The following PPA2 variants were observed in gnomAD, a reference collection of about 807,000 sequenced individuals.
The protein encoded by PPA2 is inorganic pyrophosphatase 2, mitochondrial.
A neutral mutation model predicts 49.5 loss-of-function variants in PPA2; 48 were observed. That is an observed-to-expected ratio of 0.97 (90% CI 0.77 to 1.23). The LOEUF is 1.23. Among genes scored for constraint, PPA2 ranks in the 50% most tolerant of loss-of-function variants. PPA2 has a pLI of 0.00. For synonymous variants in PPA2, 131 were observed against 139.9 expected, an observed-to-expected ratio of 0.94 and a Z score of 0.45; for missense variants, 429 against 410.1, an observed-to-expected ratio of 1.05 and a Z score of -0.40.
intron 1 of PPA2, among the ~76,000 whole-genome samples, chr4:105,464,503 T>C (rs573731171): frequency 3.9e-5 from 6 of 152,240 alleles, no homozygotes; most frequent in Admixed American, 3.3e-4. Flanking sequence ...GGAAGGCATG[T>C]TGGTTTTGAA....
intron 10 of PPA2, among the ~76,000 whole-genome samples, chr4:105,383,875 C>T (rs1309749591): frequency 7.1e-6 from 1 of 141,552 alleles, no homozygotes; most frequent in Non-Finnish European, 1.5e-5. Flanking sequence ...ACTTCTGTGT[C>T]TTCAATTATT....
Position 105,473,676 on chromosome 4 carries a change from C to A in PPA2, c.157+218G>T, listed in dbSNP as rs757862407. On this transcript the variant is annotated intron_variant, in intron 1 of 11. Transcript: ENST00000341695. ...GCCGGCAGCCCTGCGCCTCTGCTCT[C>A]CGCTTTGGGGTCTTGATCCGCCGCC... 8 of 817,996 alleles carry A rather than the reference C, an allele frequency of 9.8e-6. No individual in the cohort carries two copies. The East Asian group carries it at 2.0e-4, about 20-fold the overall frequency. The allele number at this position is 817,996 out of a possible 1,614,324, so 50.7% of individuals were successfully genotyped here.
intron 1 of PPA2, chr4:105,473,483 G>A (rs1723615708): frequency 2.4e-6 from 1 of 416,338 alleles, no homozygotes; most frequent in Non-Finnish European, 4.6e-6. Context: ...CCTCTAGGAA[G>A]GCCGGCGTGT....
intron 1 of PPA2, among the ~76,000 whole-genome samples, chr4:105,461,097 T>C (rs922411336): frequency 6.6e-6 from 1 of 152,160 alleles, no homozygotes; most frequent in African/African-American, 2.4e-5. Context: ...ATCTATAAAT[T>C]TGCACAGGAG....
chr4:105,419,179 T>G (rs1723141937), intron 7 of PPA2, among the ~76,000 whole-genome samples: 1 of 152,290 alleles, frequency 6.6e-6, no homozygotes, highest in African/African-American at 2.4e-5. Context: ...ATGTATACTT[T>G]AAGTTTTAGG....
At chr4:105,429,472 A>C (rs1426846368) in intron 6 of PPA2, among the ~76,000 whole-genome samples, 1 of 152,220 alleles carries the variant, frequency 6.6e-6, no homozygotes, top group African/African-American at 2.4e-5. Context: ...AAAGTTAAGA[A>C]AAAAGTCATT....
intron 9 of PPA2, among the ~76,000 whole-genome samples, chr4:105,388,914 T>C (rs1043665373): frequency 2.6e-5 from 4 of 152,014 alleles, no homozygotes; most frequent in Admixed American, 1.3e-4. Flanking sequence ...GAGATTCTTG[T>C]AAGATAAACC....
At chr4:105,416,156 T>C (rs925813802) in intron 7 of PPA2, among the ~76,000 whole-genome samples, 4 of 152,200 alleles carry the variant, frequency 2.6e-5, no homozygotes, top group Non-Finnish European at 5.9e-5. Context: ...TCTCTAAACA[T>C]TCCATCCGCT....
intron 9 of PPA2, among the ~76,000 whole-genome samples, chr4:105,386,850 C>T (rs763308259): frequency 1.3e-5 from 2 of 152,068 alleles, no homozygotes; most frequent in Admixed American, 6.6e-5. Context: ...AAGCACTCTC[C>T]AGAATGATAA....
At chr4:105,370,625 T>C (rs1197764517) in intron 11 of PPA2, 3 of 977,764 alleles carry the variant, frequency 3.1e-6, no homozygotes, top group Non-Finnish European at 2.4e-6. Flanking sequence ...AATCATTTTC[T>C]AACCTAGAAA....
At chr4:105,416,515 C>T (rs1257168779) in intron 7 of PPA2, among the ~76,000 whole-genome samples, 2 of 152,204 alleles carry the variant, frequency 1.3e-5, no homozygotes, top group African/African-American at 4.8e-5. Context: ...ATAAATGTTG[C>T]TCCCACAGAA....
chr4:105,462,473 C>A (rs1723133762), intron 1 of PPA2, among the ~76,000 whole-genome samples: 1 of 152,190 alleles, frequency 6.6e-6, no homozygotes, highest in Non-Finnish European at 1.5e-5. Context: ...TGAGAGCAAC[C>A]CATTTTCAAC....
intron 8 of PPA2, among the ~76,000 whole-genome samples, chr4:105,396,932 G>A (rs529481292): frequency 6.6e-6 from 1 of 152,222 alleles, no homozygotes; most frequent in East Asian, 1.9e-4. Flanking sequence ...TTCAATCGAA[G>A]TAATTTTAGA....
At chr4:105,414,280 C>G (rs1337434373) in intron 7 of PPA2, among the ~76,000 whole-genome samples, 2 of 152,154 alleles carry the variant, frequency 1.3e-5, no homozygotes, top group Non-Finnish European at 2.9e-5. Context: ...ATACTTTAAA[C>G]CTATGGCTCA....
intron 7 of PPA2, among the ~76,000 whole-genome samples, chr4:105,410,145 G>A (rs569993112): frequency 1.3e-3 from 198 of 152,250 alleles, no homozygotes; most frequent in African/African-American, 4.5e-3. Flanking sequence ...CTAACCCATC[G>A]CAAAGAAGCT....
At chr4:105,468,673 C>T (rs915280697) in intron 1 of PPA2, among the ~76,000 whole-genome samples, 1 of 152,178 alleles carries the variant, frequency 6.6e-6, no homozygotes, top group African/African-American at 2.4e-5. Context: ...AGGAGGCTGG[C>T]TGTTATGCTG....
chr4:105,453,527 G>A, intron 3 of PPA2, 71 bp downstream of exon 3: 4 of 1,171,676 alleles, frequency 3.4e-6, no homozygotes, highest in East Asian at 2.6e-5. Flanking sequence ...TTTTACAAAT[G>A]CAAACTATCA....
At chr4:105,454,114 T>C (rs1722778815) in intron 2 of PPA2, among the ~76,000 whole-genome samples, 1 of 152,130 alleles carries the variant, frequency 6.6e-6, no homozygotes, top group Non-Finnish European at 1.5e-5. Context: ...TCTTTTCCCA[T>C]TAAACCAAGC....
intron 7 of PPA2, among the ~76,000 whole-genome samples, chr4:105,419,495 T>C (rs1160223676): frequency 2.6e-5 from 4 of 152,210 alleles, no homozygotes; most frequent in African/African-American, 7.2e-5. Context: ...ATTTGGACAT[T>C]TTTTAGACTT....
Sources: allele counts gnomAD v4.1 joint callset (sites outside exome capture counted in the v4.1 genomes callset), GRCh38; gene constraint gnomAD v4.1.1; transcripts MANE v1.5; gene names NCBI Gene and HGNC (gene_info 2026-07-23, HGNC 2026-07-21).